Variants in ERCC6L2 observed in about 807,000 individuals in gnomAD.
ERCC6L2 encodes the protein DNA excision repair protein ERCC-6-like 2.
ERCC6L2 carries 77 observed loss-of-function variants against 132.0 expected under a neutral mutation model. That is an observed-to-expected ratio of 0.58 (90% CI 0.49 to 0.71). ERCC6L2 has a LOEUF of 0.71. ERCC6L2 is among the 30% of genes least tolerant of loss of function. The probability of loss-of-function intolerance (pLI) is 0.00; values close to 1 mark genes in which losing one functional copy is unlikely to be tolerated. For missense variants in ERCC6L2, 1,542 were observed against 1,837.6 expected (o/e 0.84, Z 2.94); for synonymous variants, 583 against 632.4 (o/e 0.92, Z 1.17).
chr9:95,930,346 T>G (rs1436947286), intron 11 of ERCC6L2, among the ~76,000 whole-genome samples: 1 of 152,190 alleles, frequency 6.6e-6, no homozygotes, highest in Non-Finnish European at 1.5e-5. Flanking sequence ...AGTCATTATA[T>G]AAGGAACCTT....
intron 1 of ERCC6L2, among the ~76,000 whole-genome samples, chr9:95,878,517 T>A (rs1036008271): frequency 6.6e-5 from 10 of 151,990 alleles, no homozygotes; most frequent in African/African-American, 9.7e-5. Context: ...CTTTTTTTTT[T>A]ATTATACTTT....
chr9:95,885,567 T>C (rs1827820043), intron 2 of ERCC6L2, among the ~76,000 whole-genome samples: 2 of 152,210 alleles, frequency 1.3e-5, no homozygotes, highest in Admixed American at 1.3e-4. Flanking sequence ...AACTTGAAAA[T>C]GAATCCCTTT....
chr9:96,029,303 CA>C (rs201014094), intron 19 of ERCC6L2, among the ~76,000 whole-genome samples: 19,527 of 81,496 alleles, frequency 0.24, 1,996 homozygotes, highest in African/African-American at 0.43. Context: ...GACTCCGTCT[CA>C]AAAAAAAAAA....
At chr9:96,001,553 C>A (rs1349220378) in intron 17 of ERCC6L2, among the ~76,000 whole-genome samples, 1 of 152,200 alleles carries the variant, frequency 6.6e-6, no homozygotes, top group Non-Finnish European at 1.5e-5. Flanking sequence ...TATTTACAAA[C>A]CTTGAGCTAG....
chr9:96,020,487 C>A, downstream of ERCC6L2: 1 of 326,588 alleles, frequency 3.1e-6, no homozygotes, highest in South Asian at 2.5e-5. Flanking sequence ...ATCGGCCCCG[C>A]GGAGCCCAGG....
intron 2 of ERCC6L2, among the ~76,000 whole-genome samples, chr9:95,895,831 A>G (rs937363355): frequency 1.4e-5 from 2 of 148,094 alleles, no homozygotes; most frequent in Non-Finnish European, 3.0e-5. Context: ...GGTTCACGCC[A>G]TTCTCCTGCC....
At chr9:95,914,509 G>A (rs747815386) in intron 4 of ERCC6L2, among the ~76,000 whole-genome samples, 3 of 151,812 alleles carry the variant, frequency 2.0e-5, no homozygotes, top group Non-Finnish European at 4.4e-5. Context: ...ACACGCCACC[G>A]CGCCCAGCTA....
Position 95,951,193 on chromosome 9 carries a change from A to G in ERCC6L2, c.1848-4721A>G, listed in dbSNP as rs529693647. Among the ~76,000 whole-genome samples, 7 of 152,346 alleles carry G rather than the reference A, an allele frequency of 4.6e-5. No individual in the cohort carries two copies. In the East Asian group the frequency reaches 5.8e-4, roughly 13 times the overall value. On this transcript the variant is annotated intron_variant, in intron 12 of 18. Coordinates refer to ENST00000653738, the MANE Select transcript of ERCC6L2 (RefSeq NM_020207.7). ...AAAATTGAAAAATTCACAAATATGTAGAAGTTAAACAACACACACTTAACA... is the reference window on the plus strand; with the variant it reads ...AAAATTGAAAAATTCACAAATATGTGGAAGTTAAACAACACACACTTAACA...
At chr9:95,899,632 G>GTA (rs1491515811) in intron 3 of ERCC6L2, among the ~76,000 whole-genome samples, 2 of 131,952 alleles carry the variant, frequency 1.5e-5, no homozygotes, top group Non-Finnish European at 3.3e-5. Flanking sequence ...GTGTGTGTGT[G>GTA]CGTATGTATG....
At chr9:95,966,019 C>G (rs571055554) in intron 13 of ERCC6L2, among the ~76,000 whole-genome samples, 2 of 152,190 alleles carry the variant, frequency 1.3e-5, no homozygotes, top group South Asian at 2.1e-4. Context: ...TTTAAATGTT[C>G]CATGTCAGTG....
At chr9:95,921,705 A>T (rs949308210) in intron 7 of ERCC6L2, among the ~76,000 whole-genome samples, 2 of 152,222 alleles carry the variant, frequency 1.3e-5, no homozygotes, top group African/African-American at 4.8e-5. Context: ...GTGTCAATTT[A>T]ATAGAAACTG....
intron 11 of ERCC6L2, among the ~76,000 whole-genome samples, chr9:95,933,017 C>T (rs16910370): frequency 0.12 from 18,406 of 152,028 alleles, 1,254 homozygotes; most frequent in African/African-American, 0.16. Context: ...AGTCTAGGGC[C>T]TTTTTCTTCT....
At chr9:95,977,931 A>G in intron 16 of ERCC6L2, 130 bp from the exon 17 acceptor site, 1 of 532,810 alleles carries the variant, frequency 1.9e-6, no homozygotes. Flanking sequence ...TTCTCTTTTC[A>G]ATATTTTTCC....
intron 10 of ERCC6L2, 92 bp from the exon 11 acceptor site, chr9:95,928,627 A>G (rs1417161925): frequency 8.8e-7 from 1 of 1,141,782 alleles, no homozygotes. Context: ...ATGAACACCA[A>G]TAATTAATAC....
At chr9:96,020,674 A>G (rs1313812214), downstream of ERCC6L2, 2 of 417,920 alleles carry the variant, frequency 4.8e-6, no homozygotes, top group East Asian at 7.1e-5. Context: ...TGCCCTCCCA[A>G]TGGCGGGAAC....
chr9:95,984,227 A>G (rs943875440), intron 17 of ERCC6L2, among the ~76,000 whole-genome samples: 3 of 149,230 alleles, frequency 2.0e-5, no homozygotes, highest in Non-Finnish European at 4.4e-5. Flanking sequence ...TAAAGTATAT[A>G]TTATATATGT....
At chr9:95,898,959 C>T (rs1227353118) in intron 3 of ERCC6L2, among the ~76,000 whole-genome samples, 1 of 152,064 alleles carries the variant, frequency 6.6e-6, no homozygotes, top group Admixed American at 6.5e-5. Flanking sequence ...AATAATGGTT[C>T]TTAATGTATT....
intron 1 of ERCC6L2, chr9:95,876,323 T>C: frequency 2.2e-6 from 1 of 460,622 alleles, no homozygotes; most frequent in Non-Finnish European, 3.9e-6. Flanking sequence ...CTGAGCAACT[T>C]TGGGCAGGCT....
chr9:96,014,472 T>A lies in ERCC6L2; in HGVS notation c.*1269T>A, dbSNP rs1834136001. 6.6e-6 allele frequency: 1 copy of A among 152,238 alleles called. No homozygotes were observed. Among genetic ancestry groups the A allele is most frequent in the South Asian group, 2.1e-4 (1 of 4,832 alleles). 9.4% of individuals were successfully genotyped at this position (152,238 alleles called of 1,614,324 possible). On this transcript the variant is annotated 3_prime_UTR_variant, in exon 19 of 19. Coordinates refer to ENST00000653738, the MANE Select transcript of ERCC6L2 (RefSeq NM_020207.7). ...AAGTATGCTTTTCTTTAGAGCAATGTTTTGCCCTAGAGAATTGTAAAATTT... is the reference window on the plus strand; with the variant it reads ...AAGTATGCTTTTCTTTAGAGCAATGATTTGCCCTAGAGAATTGTAAAATTT...
Sources: gnomAD v4.1 joint callset for allele counts (sites outside exome capture counted in the v4.1 genomes callset) on GRCh38, gnomAD v4.1.1 for gene constraint, MANE v1.5 for transcripts, NCBI Gene and HGNC (gene_info 2026-07-23, HGNC 2026-07-21) for gene names.